The following RIMS2 variants were observed in gnomAD, a reference collection of about 807,000 sequenced individuals.
RIMS2 encodes regulating synaptic membrane exocytosis protein 2.
In RIMS2, 59 loss-of-function variants were observed where a neutral mutation model predicts 174.4. The observed-to-expected ratio is 0.34, with a 90% CI of 0.27 to 0.42. RIMS2 has a LOEUF of 0.42. Ranked by LOEUF, RIMS2 falls within the 10% of genes least tolerant of loss-of-function variation. The pLI, the probability that RIMS2 is intolerant of heterozygous loss-of-function variation, is 1.00. For synonymous variants in RIMS2, 606 were observed against 572.5 expected (o/e 1.06, Z -0.84); for missense variants, 1,620 against 1,666.3 (o/e 0.97, Z 0.48).
intron 17 of RIMS2, among the ~76,000 whole-genome samples, chr8:104,010,234 T>C (rs2095713855): frequency 6.6e-6 from 1 of 152,152 alleles, no homozygotes; most frequent in Admixed American, 6.6e-5. Context: ...TTTTAAAAAA[T>C]CTTTTATGAG....
At chr8:103,789,416 A>G (rs1466824117) in intron 3 of RIMS2, among the ~76,000 whole-genome samples, 1 of 152,138 alleles carries the variant, frequency 6.6e-6, no homozygotes, top group Non-Finnish European at 1.5e-5. Flanking sequence ...AGACGCACCT[A>G]GGGCCTGATA....
rs547795924 is a variant in RIMS2 at position 103,755,897 on chromosome 8, T to C, written c.388-10330T>C. On this transcript the variant is annotated intron_variant, in intron 2 of 23. Transcript: ENST00000504942. ...TGTTCCTTTAGTTTGGAGGAGTTTG[T>C]TATTACTGACCTTCTGAAGCCTACT... Among the ~76,000 whole-genome samples the C allele has an allele frequency of 7.2e-5, 11 of 152,272 alleles. No individual in the cohort carries two copies. The South Asian group carries it at 2.1e-3, about 29-fold the overall frequency.
intron 19 of RIMS2, among the ~76,000 whole-genome samples, chr8:104,229,660 C>T (rs563083697): frequency 1.6e-3 from 243 of 152,226 alleles, no homozygotes; most frequent in African/African-American, 3.8e-3. Flanking sequence ...CTCTCCCTTG[C>T]TCTATTACCC....
intron 1 of RIMS2, among the ~76,000 whole-genome samples, chr8:103,607,989 C>A (rs1250355472): frequency 6.8e-6 from 1 of 147,216 alleles, no homozygotes; most frequent in Non-Finnish European, 1.5e-5. Context: ...CTGAAGCCTT[C>A]TTCTCTCAGC....
At chr8:104,041,264 A>G in intron 19 of RIMS2, 62 bp from the exon 22 acceptor site, 2 of 593,990 alleles carry the variant, frequency 3.4e-6, no homozygotes, top group South Asian at 2.1e-5. Context: ...TTACCTTTTG[A>G]GTACATCCAC....
At chr8:103,590,647 G>A (rs574874593) in intron 1 of RIMS2, among the ~76,000 whole-genome samples, 9 of 146,460 alleles carry the variant, frequency 6.1e-5, no homozygotes, top group South Asian at 2.1e-4. Context: ...TGAATCTATC[G>A]TATATTTTAT....
intron 2 of RIMS2, among the ~76,000 whole-genome samples, chr8:103,700,657 C>T (rs552437496): frequency 2.0e-5 from 3 of 147,204 alleles, no homozygotes; most frequent in Admixed American, 6.7e-5. Context: ...CATTTGATTA[C>T]ATCACCTTGC....
intron 19 of RIMS2, among the ~76,000 whole-genome samples, chr8:104,031,663 T>G (rs1401738982): frequency 6.6e-6 from 1 of 152,168 alleles, no homozygotes. Flanking sequence ...CTGATTATTA[T>G]TTTTGATTTA....
chr8:103,740,016 G>C (rs1465106724), intron 2 of RIMS2, among the ~76,000 whole-genome samples: 4 of 152,140 alleles, frequency 2.6e-5, no homozygotes, highest in African/African-American at 7.2e-5. Flanking sequence ...TATGAACCTT[G>C]TCCCAGGCCC....
At chr8:104,137,169 T>C (rs1381921325) in intron 19 of RIMS2, among the ~76,000 whole-genome samples, 1 of 152,324 alleles carries the variant, frequency 6.6e-6, no homozygotes, top group African/African-American at 2.4e-5. Context: ...GGACTGTTTC[T>C]TCAAGGCCAC....
chr8:103,808,064 CA>C (rs1318876609), intron 3 of RIMS2, among the ~76,000 whole-genome samples: 9 of 152,080 alleles, frequency 5.9e-5, no homozygotes, highest in Non-Finnish European at 8.8e-5. Flanking sequence ...TCCTAGACTA[CA>C]TTTCATAGGC....
At position 103,789,889 on chromosome 8, in the gene RIMS2, A is replaced by G. The variant is rs186648894; in HGVS notation, c.698+23352A>G. Among the ~76,000 whole-genome samples, 12 of 151,614 alleles carry G rather than the reference A, an allele frequency of 7.9e-5. No individual in the cohort carries two copies. The East Asian group carries it at 2.3e-3, about 29-fold the overall frequency. On this transcript the variant is annotated intron_variant, in intron 3 of 23. Transcript: ENST00000504942. ...CTCCTCAGCGTCCCAAATAGCTGGG[A>G]CTACAAGTGTGTGCTACCATGTCCA...
chr8:104,122,288 G>T (rs969746816), intron 19 of RIMS2, among the ~76,000 whole-genome samples: 3 of 152,020 alleles, frequency 2.0e-5, no homozygotes, highest in African/African-American at 7.2e-5. Flanking sequence ...AATGAGATTT[G>T]CACTGGTAAT....
chr8:104,061,088 A>G lies in RIMS2; in HGVS notation c.3334+46473A>G, dbSNP rs189600654. The stretch of plus-strand genomic sequence containing the variant: ...AGTTCTGTAGATGTCTATTAGGTCC[A>G]CTTGGTGCAGAGCTGAGTTCAATTC... On this transcript the variant is annotated intron_variant, in intron 19 of 23. Transcript: ENST00000504942. 3.7e-4 allele frequency among the ~76,000 whole-genome samples: 57 copies of G among 152,214 alleles called. 1 individual carries two copies. The East Asian group carries it at 0.011, about 28-fold the overall frequency.
intron 3 of RIMS2, among the ~76,000 whole-genome samples, chr8:103,771,277 A>C (rs1264476449): frequency 6.6e-6 from 1 of 152,204 alleles, no homozygotes; most frequent in Non-Finnish European, 1.5e-5. Flanking sequence ...AACTTGTGAA[A>C]TACATTGTAA....
intron 19 of RIMS2, among the ~76,000 whole-genome samples, chr8:104,159,549 T>G (rs1489488210): frequency 2.6e-5 from 4 of 152,162 alleles, no homozygotes; most frequent in Admixed American, 6.5e-5. Context: ...TGCACAAGAG[T>G]TCCAATTTCT....
At chr8:103,615,409 G>C (rs1480833359) in intron 1 of RIMS2, among the ~76,000 whole-genome samples, 2 of 152,082 alleles carry the variant, frequency 1.3e-5, no homozygotes, top group Non-Finnish European at 2.9e-5. Context: ...AGCACTAAAT[G>C]CCGACATCAA....
At chr8:104,063,685 C>T (rs184784565) in intron 19 of RIMS2, among the ~76,000 whole-genome samples, 6 of 152,190 alleles carry the variant, frequency 3.9e-5, no homozygotes, top group Non-Finnish European at 8.8e-5. Context: ...AGAGTTTTCC[C>T]TTGTAAGATC....
In RIMS2 at chr8:104,189,563, TAAATTCC is replaced by T. The variant is rs2098986650; in HGVS notation, c.3335-55348_3335-55342del. 3.4e-5 allele frequency among the ~76,000 whole-genome samples: 5 copies of T among 147,252 alleles called. No homozygotes were observed. The South Asian group carries it at 8.5e-4, about 25-fold the overall frequency. On this transcript the variant is annotated intron_variant, in intron 19 of 23. Transcript: ENST00000504942. ...AACTGGATAGAGAAAGAGAAAGAGA[TAAATTCC>T]AAATATATACATTATATATATATAT...
Sources: gnomAD v4.1 joint callset for allele counts (sites outside exome capture counted in the v4.1 genomes callset) on GRCh38, gnomAD v4.1.1 for gene constraint, MANE v1.5 for transcripts, NCBI Gene and HGNC (gene_info 2026-07-23, HGNC 2026-07-21) for gene names.